Variants in LRP1B observed in about 807,000 individuals in gnomAD.
LRP1B encodes the protein low-density lipoprotein receptor-related protein 1B.
A neutral mutation model predicts 556.6 loss-of-function variants in LRP1B; 217 were observed. The ratio of observed to expected loss-of-function variants is 0.39; its 90% CI spans 0.35 to 0.44. The LOEUF (loss-of-function observed/expected upper bound fraction) is 0.44, where lower values mean the gene tolerates loss of function less well. Ranked by LOEUF, LRP1B falls within the 20% of genes least tolerant of loss-of-function variation. The probability of loss-of-function intolerance (pLI) is 1.00; values close to 1 mark genes in which losing one functional copy is unlikely to be tolerated. For missense variants in LRP1B, 5,053 were observed against 5,620.8 expected (o/e 0.90, Z 3.23); for synonymous variants, 2,047 against 1,865.8 (o/e 1.10, Z -2.50).
At chr2:140,502,418 C>T (rs1689238457) in intron 54 of LRP1B, among the ~76,000 whole-genome samples, 1 of 151,906 alleles carries the variant, frequency 6.6e-6, no homozygotes, top group Non-Finnish European at 1.5e-5. Context: ...CACCATCATA[C>T]ATGCTAAAAG....
chr2:140,935,840 G>A (rs1257859612), intron 20 of LRP1B, among the ~76,000 whole-genome samples: 1 of 151,872 alleles, frequency 6.6e-6, no homozygotes, highest in East Asian at 1.9e-4. Flanking sequence ...ATGGCAGTGT[G>A]GGCTGATATG....
Position 142,130,904 on chromosome 2 carries a change from G to C in LRP1B, c.-175C>G. 2 of 661,456 alleles carry C rather than the reference G, an allele frequency of 3.0e-6. No individual in the cohort carries two copies. Among genetic ancestry groups the C allele is most frequent in the Admixed American group, 4.5e-5 (2 of 44,346 alleles). 41.0% of individuals were successfully genotyped at this position (661,456 alleles called of 1,614,324 possible). A position where few individuals can be genotyped will look rare whatever the true frequency, so the allele number is the denominator to read the frequency against. On this transcript the variant is annotated 5_prime_UTR_variant, in exon 1 of 91. Coordinates refer to ENST00000389484, the MANE Select transcript of LRP1B (RefSeq NM_018557.3). ...CAGCCAGTCAGCCTTCTCCTGCCTG[G>C]AGCAGGATGTGGAAGGTGGAGGGAT...
chr2:141,450,996 C>T (rs1040264011), intron 3 of LRP1B, among the ~76,000 whole-genome samples: 4 of 152,184 alleles, frequency 2.6e-5, no homozygotes, highest in Non-Finnish European at 5.9e-5. Flanking sequence ...GCCTGACCCT[C>T]ACAATCTGTG....
chr2:140,471,636 C>T (rs1007661754), intron 60 of LRP1B, among the ~76,000 whole-genome samples: 1 of 152,194 alleles, frequency 6.6e-6, no homozygotes, highest in African/African-American at 2.4e-5. Flanking sequence ...TCACTTCAAA[C>T]ATTTTCTCCT....
chr2:142,021,671 T>C (rs2105177219), intron 1 of LRP1B, among the ~76,000 whole-genome samples: 1 of 152,250 alleles, frequency 6.6e-6, no homozygotes, highest in African/African-American at 2.4e-5. Flanking sequence ...TCTAGTGATA[T>C]AATTTACCCA....
At chr2:140,419,270 T>C (rs935047711) in intron 66 of LRP1B, among the ~76,000 whole-genome samples, 13 of 152,152 alleles carry the variant, frequency 8.5e-5, no homozygotes, top group African/African-American at 2.9e-4. Flanking sequence ...TCCAAAAATG[T>C]GTGCATTAAC....
chr2:141,492,731 A>G (rs568168989), intron 2 of LRP1B, among the ~76,000 whole-genome samples: 1 of 152,136 alleles, frequency 6.6e-6, no homozygotes, highest in Non-Finnish European at 1.5e-5. Flanking sequence ...GCCAATTTAC[A>G]CTTGAGAGGA....
intron 35 of LRP1B, among the ~76,000 whole-genome samples, chr2:140,731,107 A>G (rs1206245592): frequency 6.6e-6 from 1 of 152,150 alleles, no homozygotes; most frequent in Non-Finnish European, 1.5e-5. Flanking sequence ...ACTATTACTC[A>G]GACATTAAGA....
At chr2:141,412,547 A>G in intron 3 of LRP1B, among the ~76,000 whole-genome samples, 1 of 151,086 alleles carries the variant, frequency 6.6e-6, no homozygotes, top group Middle Eastern at 3.4e-3. Flanking sequence ...TTTTATTAAG[A>G]CTTTGTGTAT....
chr2:141,224,359 G>A (rs1558944342), intron 6 of LRP1B, among the ~76,000 whole-genome samples: 3 of 151,884 alleles, frequency 2.0e-5, no homozygotes, highest in African/African-American at 7.2e-5. Flanking sequence ...CTGCCAAGAG[G>A]TAAGAATGCT....
At chr2:140,618,677 T>C (rs1238551749) in intron 41 of LRP1B, among the ~76,000 whole-genome samples, 1 of 152,122 alleles carries the variant, frequency 6.6e-6, no homozygotes, top group Non-Finnish European at 1.5e-5. Flanking sequence ...AAGCAGTTTA[T>C]TTTCTAAACA....
At chr2:141,431,474 C>G (rs1451848497) in intron 3 of LRP1B, among the ~76,000 whole-genome samples, 2 of 152,126 alleles carry the variant, frequency 1.3e-5, no homozygotes, top group Non-Finnish European at 2.9e-5. Flanking sequence ...CCCCTACAGT[C>G]CTTGCAACTG....
chr2:141,585,688 T>A (rs1203039728), intron 2 of LRP1B, among the ~76,000 whole-genome samples: 3 of 152,248 alleles, frequency 2.0e-5, no homozygotes, highest in South Asian at 2.1e-4. Flanking sequence ...TTAACTGGAA[T>A]GTCAGGAACT....
chr2:141,658,440 G>C (rs1690094579), intron 2 of LRP1B, among the ~76,000 whole-genome samples: 1 of 152,196 alleles, frequency 6.6e-6, no homozygotes. Flanking sequence ...AAAGTTGGGA[G>C]TTGGGGAGCT....
intron 2 of LRP1B, among the ~76,000 whole-genome samples, chr2:141,544,353 T>TCC (rs1685446773): frequency 1.1e-5 from 1 of 90,752 alleles, no homozygotes; most frequent in African/African-American, 3.8e-5. Context: ...CTTCTTCTTC[T>TCC]TCTTCTTCTT....
intron 14 of LRP1B, among the ~76,000 whole-genome samples, chr2:141,012,045 G>C (rs567775020): frequency 6.6e-6 from 1 of 151,950 alleles, no homozygotes; most frequent in East Asian, 1.9e-4. Flanking sequence ...TAACCATCAT[G>C]GAAATGTTAT....
At chr2:141,569,543 T>C (rs1686455503) in intron 2 of LRP1B, among the ~76,000 whole-genome samples, 1 of 151,152 alleles carries the variant, frequency 6.6e-6, no homozygotes, top group Non-Finnish European at 1.5e-5. Context: ...AATGTTAGAT[T>C]CTGTAATGTC....
At chr2:140,421,143 C>T (rs35193061) in intron 66 of LRP1B, among the ~76,000 whole-genome samples, 44,805 of 151,710 alleles carry the variant, frequency 0.3, 6,728 homozygotes, top group East Asian at 0.46. Context: ...GTAGTCCATC[C>T]ACTCGGGAGG....
chr2:141,902,483 G>A (rs1699648430), intron 1 of LRP1B, among the ~76,000 whole-genome samples: 1 of 151,778 alleles, frequency 6.6e-6, no homozygotes, highest in Non-Finnish European at 1.5e-5. Context: ...GCCTATTCCG[G>A]GGGCTTCAAA....
Sources: gnomAD v4.1 joint callset for allele counts (sites outside exome capture counted in the v4.1 genomes callset) on GRCh38, gnomAD v4.1.1 for gene constraint, MANE v1.5 for transcripts, NCBI Gene and HGNC (gene_info 2026-07-23, HGNC 2026-07-21) for gene names.